Variants in P4HA1 observed in about 807,000 individuals in gnomAD.
P4HA1 encodes prolyl 4-hydroxylase subunit alpha-1.
A neutral mutation model predicts 72.8 loss-of-function variants in P4HA1; 24 were observed. The ratio of observed to expected loss-of-function variants is 0.33; its 90% confidence interval spans 0.24 to 0.46. P4HA1 has a LOEUF of 0.46. P4HA1 is among the 20% of genes least tolerant of loss of function. The probability of loss-of-function intolerance (pLI) is 1.00; values close to 1 mark genes in which losing one functional copy is unlikely to be tolerated. For missense variants in P4HA1, 446 were observed against 640.6 expected (o/e 0.70, Z 3.28); for synonymous variants, 201 against 218.8 (o/e 0.92, Z 0.72).
In P4HA1 at chr10:73,096,215, G is replaced by A. The variant is rs548795707; in HGVS notation, c.-33+551C>T. On this transcript the variant is annotated intron_variant, in intron 1 of 14. Transcript: ENST00000394890. Reference sequence around the variant, plus strand: ...CTGCGCGCAACAGATGAGTTCAGCCGGAACTTTCTGGGGAGGTCCCCCCAG... The same window carrying A: ...CTGCGCGCAACAGATGAGTTCAGCCAGAACTTTCTGGGGAGGTCCCCCCAG... Among the ~76,000 whole-genome samples the A allele has an allele frequency of 3.9e-5, 6 of 152,348 alleles. No individual in the cohort carries two copies. In the East Asian group the frequency reaches 1.2e-3, roughly 29 times the overall value.
At position 73,015,686 on chromosome 10, in the gene P4HA1, C is replaced by T. The variant is rs139377292; in HGVS notation, c.1302+1160G>A. The stretch of plus-strand genomic sequence containing the variant: ...TACACTGTGGCAGATCCTCCTCTTA[C>T]AGAGCTGTTATTCCCAAAGCTCTAG... On this transcript the variant is annotated intron_variant, in intron 11 of 14. Transcript: ENST00000394890. 1.1e-4 allele frequency among the ~76,000 whole-genome samples: 16 copies of T among 152,314 alleles called. No homozygotes were observed. In the East Asian group the frequency reaches 3.1e-3, roughly 29 times the overall value.
chr10:73,037,868 C>G (rs1840635589), intron 9 of P4HA1, among the ~76,000 whole-genome samples: 1 of 151,614 alleles, frequency 6.6e-6, no homozygotes, highest in Admixed American at 6.6e-5. Context: ...CCACTCAAAA[C>G]TTTTTGTATT....
chr10:73,023,029 C>T (rs774317706), intron 10 of P4HA1, among the ~76,000 whole-genome samples: 3 of 152,182 alleles, frequency 2.0e-5, no homozygotes, highest in Non-Finnish European at 2.9e-5. Context: ...TTGGTGTACA[C>T]CTGAAAGTGA....
intron 5 of P4HA1, among the ~76,000 whole-genome samples, chr10:73,054,672 C>T (rs1457495949): frequency 6.6e-6 from 1 of 152,220 alleles, no homozygotes; most frequent in African/African-American, 2.4e-5. Context: ...TGAGGAACTG[C>T]CAAACTGTTT....
At chr10:73,040,561 T>C (rs1355183801) in intron 9 of P4HA1, among the ~76,000 whole-genome samples, 1 of 150,884 alleles carries the variant, frequency 6.6e-6, no homozygotes, top group Non-Finnish European at 1.5e-5. Flanking sequence ...CTGCAATCTC[T>C]ACCTCCCGGG....
intron 1 of P4HA1, among the ~76,000 whole-genome samples, chr10:73,085,924 T>C (rs1370277220): frequency 6.6e-6 from 1 of 152,124 alleles, no homozygotes; most frequent in Non-Finnish European, 1.5e-5. Flanking sequence ...GTCTAGGAGT[T>C]TGAGCATATA....
At chr10:73,051,006 C>T in intron 7 of P4HA1, 47 bp downstream of exon 7, 4 of 1,297,974 alleles carry the variant, frequency 3.1e-6, no homozygotes, top group Non-Finnish European at 4.4e-6. Flanking sequence ...TGTACAAACA[C>T]ATACACACAC....
chr10:73,012,954 C>G (rs186413284), intron 12 of P4HA1, among the ~76,000 whole-genome samples: 17 of 152,138 alleles, frequency 1.1e-4, no homozygotes, highest in African/African-American at 3.9e-4. Context: ...TGCCACCACA[C>G]CCAGCTAATT....
chr10:73,043,955 C>G, intron 9 of P4HA1: 1 of 1,609,780 alleles, frequency 6.2e-7, no homozygotes, highest in Non-Finnish European at 8.5e-7. Flanking sequence ...TAGCTCGGCT[C>G]AGCTACAAAA....
chr10:73,016,905 G>T lies in P4HA1; in HGVS notation c.1249-6C>A. On this transcript the variant is annotated splice_region_variant and splice_polypyrimidine_tract_variant and intron_variant, in intron 10 of 14. Transcript: ENST00000394890. ...CCAACTCCATAATTTGCTACCTGAA[G>T]GAAAGACACAAAGCATGAAAGAAAA... The T allele has an allele frequency of 6.2e-7, 1 of 1,607,446 alleles. No individual in the cohort carries two copies. The highest frequency in any genetic ancestry group is 1.1e-5 in the South Asian group (1 of 90,744).
chr10:73,041,250 T>C (rs543956732), intron 9 of P4HA1, among the ~76,000 whole-genome samples: 82 of 152,104 alleles, frequency 5.4e-4, no homozygotes, highest in Admixed American at 5.2e-4. Context: ...AAGCAGGCTA[T>C]AAAAGAATTG....
At chr10:73,043,428 A>G (rs546692127) in intron 9 of P4HA1, among the ~76,000 whole-genome samples, 3 of 152,350 alleles carry the variant, frequency 2.0e-5, no homozygotes, top group South Asian at 4.1e-4. Context: ...TTAGTGATCA[A>G]TCAACTAATA....
intron 1 of P4HA1, among the ~76,000 whole-genome samples, 176 bp downstream of exon 1, chr10:73,096,590 C>T (rs996028832): frequency 3.9e-5 from 6 of 152,102 alleles, no homozygotes; most frequent in Non-Finnish European, 8.8e-5. Context: ...AGTCGCGTGG[C>T]GCAGGGAGAG....
chr10:73,068,777 C>T lies in P4HA1; in HGVS notation c.463+69G>A, dbSNP rs1841483297. ...AAAATGCAAGTCTTTTTTATACTAA[C>T]ATTGTGTTAATGGACTCAACAGAGA... On this transcript the variant is annotated intron_variant, in intron 5 of 14. Coordinates refer to ENST00000394890, the MANE Select transcript of P4HA1 (RefSeq NM_001017962.3). 5 of 1,242,342 alleles carry T rather than the reference C, an allele frequency of 4.0e-6. No individual in the cohort carries two copies. In the Admixed American group the frequency reaches 9.6e-5, roughly 24 times the overall value. 77.0% of individuals were successfully genotyped at this position (1,242,342 alleles called of 1,614,324 possible).
At chr10:73,011,347 G>C (rs920350955) in intron 12 of P4HA1, among the ~76,000 whole-genome samples, 2 of 152,104 alleles carry the variant, frequency 1.3e-5, no homozygotes, top group Non-Finnish European at 2.9e-5. Context: ...AAACTAATGA[G>C]TCAATACACA....
rs1024039064 is a variant in P4HA1 at position 73,053,462 on chromosome 10, C to T, written c.592G>A (p.Glu198Lys). Residue 198 changes from glutamate (E) to lysine (K), a missense_variant, in exon 6 of 15, where the codon GAG becomes AAG. Transcript: ENST00000394890. ...GAGACTTTATCTATGGTAGAAATCT[C>T]GCCTTCATCCAGTTGCCTTAGGGCT... ...EQALRQLDEG[E>K]ISTIDKVSVL... 6.2e-7 allele frequency: 1 copy of T among 1,614,106 alleles called. No homozygotes were observed. Among genetic ancestry groups the T allele is most frequent in the Non-Finnish European group, 8.5e-7 (1 of 1,179,970 alleles).
intron 10 of P4HA1, 119 bp from the exon 11 acceptor site, chr10:73,017,018 G>A: frequency 1.5e-6 from 1 of 645,580 alleles, no homozygotes; most frequent in Non-Finnish European, 2.6e-6. Flanking sequence ...ACAGAGAAAT[G>A]AAAAATATTT....
At chr10:73,028,774 G>A (rs1219179500) in intron 10 of P4HA1, among the ~76,000 whole-genome samples, 2 of 151,884 alleles carry the variant, frequency 1.3e-5, no homozygotes, top group African/African-American at 4.8e-5. Context: ...GCCAGACACA[G>A]TGGCTCATGC....
At chr10:73,041,138 C>T (rs1001546299) in intron 9 of P4HA1, among the ~76,000 whole-genome samples, 2 of 152,098 alleles carry the variant, frequency 1.3e-5, no homozygotes, top group African/African-American at 2.4e-5. Flanking sequence ...AAATTTTCTT[C>T]ATGTCTTCTA....
Sources: gnomAD v4.1 joint callset for allele counts (sites outside exome capture counted in the v4.1 genomes callset) on GRCh38, gnomAD v4.1.1 for gene constraint, MANE v1.5 for transcripts, NCBI Gene and HGNC (gene_info 2026-07-23, HGNC 2026-07-21) for gene names.